Variants in CLVS1 observed in about 807,000 individuals in gnomAD.
CLVS1 encodes the protein clavesin 1.
In CLVS1, 10 loss-of-function variants were observed where a neutral mutation model predicts 33.1. The ratio of observed to expected loss-of-function variants is 0.30; its 90% CI spans 0.19 to 0.51. The LOEUF is 0.51. CLVS1 is among the 20% of genes least tolerant of loss of function. CLVS1 has a pLI of 0.97. For synonymous variants in CLVS1, 163 were observed against 166.1 expected, an observed-to-expected ratio of 0.98 and a Z score of 0.14; for missense variants, 343 against 433.4, an observed-to-expected ratio of 0.79 and a Z score of 1.85.
intron 1 of CLVS1, among the ~76,000 whole-genome samples, chr8:61,075,455 TGCTAA>T (rs1804893863): frequency 6.6e-6 from 1 of 152,200 alleles, no homozygotes; most frequent in Non-Finnish European, 1.5e-5. Context: ...ATCTGAGCTG[TGCTAA>T]GAGGGCTGTT....
the CLVS1 span, among the ~76,000 whole-genome samples, chr8:61,029,159 A>G: frequency 6.6e-6 from 1 of 152,224 alleles, no homozygotes; most frequent in African/African-American, 2.4e-5. Flanking sequence ...TCTATTTTGC[A>G]AACAGTCCAC....
chr8:61,007,675 G>A, the CLVS1 span, among the ~76,000 whole-genome samples: 1 of 152,148 alleles, frequency 6.6e-6, no homozygotes, highest in Non-Finnish European at 1.5e-5. Flanking sequence ...CGCTACTCCC[G>A]CATTGCTGAT....
At chr8:61,308,647 A>AG (rs1301848292) in intron 2 of CLVS1, among the ~76,000 whole-genome samples, 10 of 152,116 alleles carry the variant, frequency 6.6e-5, no homozygotes, top group Admixed American at 1.3e-4. Context: ...CAGCACCCTT[A>AG]GGGGAGCTGG....
At chr8:61,320,267 G>A (rs1348999042) in intron 2 of CLVS1, among the ~76,000 whole-genome samples, 1 of 151,486 alleles carries the variant, frequency 6.6e-6, no homozygotes, top group South Asian at 2.1e-4. Flanking sequence ...TGATGTTACT[G>A]TTTAAAGATT....
intron 2 of CLVS1, among the ~76,000 whole-genome samples, chr8:61,320,973 A>C (rs1811174823): frequency 6.6e-6 from 1 of 152,186 alleles, no homozygotes; most frequent in Admixed American, 6.6e-5. Flanking sequence ...TAAAAATAAA[A>C]GTGATCTTTT....
At chr8:61,436,965 A>C (rs1816352403) in intron 3 of CLVS1, among the ~76,000 whole-genome samples, 1 of 152,196 alleles carries the variant, frequency 6.6e-6, no homozygotes, top group Non-Finnish European at 1.5e-5. Flanking sequence ...CCTCTTCACA[A>C]GGGGAAGGGA....
intron 2 of CLVS1, among the ~76,000 whole-genome samples, chr8:61,201,507 T>A (rs1259035733): frequency 6.6e-6 from 1 of 152,178 alleles, no homozygotes; most frequent in Non-Finnish European, 1.5e-5. Flanking sequence ...AATGATTGTT[T>A]CTTTCGTAGG....
intron 2 of CLVS1, among the ~76,000 whole-genome samples, chr8:61,272,547 C>T (rs1809464719): frequency 6.6e-6 from 1 of 152,130 alleles, no homozygotes; most frequent in Admixed American, 6.5e-5. Context: ...GCCTGCCTTG[C>T]TAGATTGGGG....
At chr8:61,243,011 T>C (rs1808729654) in intron 2 of CLVS1, among the ~76,000 whole-genome samples, 1 of 151,466 alleles carries the variant, frequency 6.6e-6, no homozygotes, top group Non-Finnish European at 1.5e-5. Context: ...TTTCCTTGCT[T>C]TTCTCATGTG....
chr8:61,357,489 C>CTTTTTTTTTTTTTTTTTTTTTTTTTTTT (rs1462908906), intron 2 of CLVS1, among the ~76,000 whole-genome samples: 2 of 30,284 alleles, frequency 6.6e-5, no homozygotes, highest in South Asian at 1.4e-3. Flanking sequence ...TTTCCTTTTT[C>CTTTTTTTTTTTTTTTTTTTTTTTTTTTT]TTTTCTTTTT....
At chr8:61,279,620 G>C (rs956148442) in intron 2 of CLVS1, among the ~76,000 whole-genome samples, 1 of 89,416 alleles carries the variant, frequency 1.1e-5, no homozygotes, top group African/African-American at 5.9e-5. Flanking sequence ...GCCCTATTAA[G>C]ATATCCACTG....
At chr8:61,050,802 G>A in the CLVS1 span, among the ~76,000 whole-genome samples, 62 of 152,332 alleles carry the variant, frequency 4.1e-4, no homozygotes, top group East Asian at 9.2e-3. Flanking sequence ...GCAGCCCAGC[G>A]GTGGCAGGGA....
intron 1 of CLVS1, among the ~76,000 whole-genome samples, chr8:61,093,617 A>T (rs1237547932): frequency 6.6e-6 from 1 of 152,238 alleles, no homozygotes; most frequent in Non-Finnish European, 1.5e-5. Context: ...TGCATGTCAT[A>T]AATTAAAAGC....
chr8:61,234,366 A>C (rs1449752459), intron 2 of CLVS1, among the ~76,000 whole-genome samples: 2 of 152,202 alleles, frequency 1.3e-5, no homozygotes, highest in Non-Finnish European at 2.9e-5. Flanking sequence ...TACATTTCTC[A>C]TGAATCACAA....
At chr8:61,455,178 T>TG (rs1817102970) in intron 4 of CLVS1, among the ~76,000 whole-genome samples, 1 of 147,438 alleles carries the variant, frequency 6.8e-6, no homozygotes, top group Non-Finnish European at 1.5e-5. Context: ...TAATTATGAT[T>TG]TGTGTGTGTG....
At chr8:61,063,843 C>G (rs1025319030) in intron 1 of CLVS1, among the ~76,000 whole-genome samples, 4 of 152,150 alleles carry the variant, frequency 2.6e-5, no homozygotes, top group Non-Finnish European at 2.9e-5. Flanking sequence ...TTTTCATTGT[C>G]CCTAGTAGGA....
Position 61,376,592 on chromosome 8 carries a change from GCTC to G in CLVS1, c.456-12_456-10del, listed in dbSNP as rs757356876. On this transcript the variant is annotated splice_polypyrimidine_tract_variant and intron_variant, in intron 2 of 5. Transcript: ENST00000325897. ...ATATTCACACACAGCTCTCCTTTCT[GCTC>G]TGGCTGCAGGAACTCCTTCACAGAC... 2.0e-5 allele frequency: 33 copies of G among 1,611,336 alleles called. No homozygotes were observed. The African/African-American group carries it at 4.4e-4, about 22-fold the overall frequency.
At chr8:61,016,188 A>C in the CLVS1 span, among the ~76,000 whole-genome samples, 1 of 152,364 alleles carries the variant, frequency 6.6e-6, no homozygotes, top group East Asian at 1.9e-4. Flanking sequence ...TCTTGTGTTT[A>C]GACTTGGGTC....
At chr8:60,977,511 G>A in the CLVS1 span, among the ~76,000 whole-genome samples, 1 of 152,072 alleles carries the variant, frequency 6.6e-6, no homozygotes, top group Non-Finnish European at 1.5e-5. Context: ...TTATAAAAAG[G>A]AACCAAATAG....
Sources: gnomAD v4.1 joint callset for allele counts (sites outside exome capture counted in the v4.1 genomes callset) on GRCh38, gnomAD v4.1.1 for gene constraint, MANE v1.5 for transcripts, NCBI Gene and HGNC (gene_info 2026-07-23, HGNC 2026-07-21) for gene names.